Variants in CSMD1 observed in about 807,000 individuals in gnomAD.
CSMD1 encodes CUB and sushi domain-containing protein 1.
In CSMD1, 213 loss-of-function variants were observed where a neutral mutation model predicts 417.5. The ratio of observed to expected loss-of-function variants is 0.51; its 90% CI spans 0.46 to 0.57. CSMD1 has a LOEUF of 0.57. Among genes scored for constraint, CSMD1 ranks in the 20% least tolerant of loss-of-function variants. CSMD1 has a pLI of 0.00. For synonymous variants in CSMD1, 2,862 were observed against 1,736.8 expected, an observed-to-expected ratio of 1.65 and a Z score of -16.11; for missense variants, 6,923 against 4,529.7, an observed-to-expected ratio of 1.53 and a Z score of -15.17.
At chr8:4,155,624 C>A (rs965581212) in intron 3 of CSMD1, among the ~76,000 whole-genome samples, 1 of 152,124 alleles carries the variant, frequency 6.6e-6, no homozygotes, top group Admixed American at 6.5e-5. Flanking sequence ...GATTTTTTAT[C>A]ACTCTTGGTT....
Position 3,053,517 on chromosome 8 carries a change from G to C in CSMD1, c.7475-870C>G, listed in dbSNP as rs62488260. ...ACAAGAAAACACGACATAAGGAATT[G>C]ATAGAGGAGGCACTCGGGGAAGATT... On this transcript the variant is annotated intron_variant, in intron 49 of 69. Transcript: ENST00000635120. 8.5e-3 allele frequency among the ~76,000 whole-genome samples: 1,286 copies of C among 152,148 alleles called. 12 individuals carry two copies. The highest frequency in any genetic ancestry group is 0.03 in the African/African-American group (1,238 of 41,532).
intron 5 of CSMD1, among the ~76,000 whole-genome samples, chr8:3,765,726 G>T (rs1370841021): frequency 1.3e-5 from 2 of 152,188 alleles, no homozygotes; most frequent in African/African-American, 4.8e-5. Context: ...AGCCTTGCAG[G>T]TGGGGGCGCC....
chr8:3,564,860 G>C (rs762325682), intron 10 of CSMD1, among the ~76,000 whole-genome samples: 2 of 151,960 alleles, frequency 1.3e-5, no homozygotes, highest in African/African-American at 2.4e-5. Context: ...CTGTTAAGCA[G>C]CAGTAACGGG....
intron 2 of CSMD1, among the ~76,000 whole-genome samples, chr8:4,570,083 A>C (rs1488096740): frequency 6.6e-6 from 1 of 152,158 alleles, no homozygotes; most frequent in African/African-American, 2.4e-5. Context: ...GTCGTCTGCA[A>C]ACAGAGACAA....
At chr8:4,438,719 C>G (rs144167606) in intron 2 of CSMD1, among the ~76,000 whole-genome samples, 2 of 152,334 alleles carry the variant, frequency 1.3e-5, no homozygotes, top group African/African-American at 4.8e-5. Context: ...TTGAGATTAC[C>G]TGCAGTTACC....
At chr8:3,331,391 G>A (rs1806888242) in intron 23 of CSMD1, among the ~76,000 whole-genome samples, 1 of 152,218 alleles carries the variant, frequency 6.6e-6, no homozygotes, top group Non-Finnish European at 1.5e-5. Flanking sequence ...CAGTGGCCAT[G>A]AGTTGGTGGC....
intron 3 of CSMD1, among the ~76,000 whole-genome samples, chr8:4,323,921 C>T (rs969254510): frequency 2.6e-5 from 4 of 152,122 alleles, no homozygotes; most frequent in Non-Finnish European, 4.4e-5. Context: ...CTGGGGGTGG[C>T]AGGTGTCCCA....
intron 2 of CSMD1, among the ~76,000 whole-genome samples, chr8:4,438,214 C>T (rs1032690550): frequency 6.6e-6 from 1 of 152,126 alleles, no homozygotes; most frequent in Admixed American, 6.6e-5. Flanking sequence ...CAAGAAACTC[C>T]TGAAATAATC....
At chr8:3,075,300 G>A (rs565320255) in intron 49 of CSMD1, among the ~76,000 whole-genome samples, 82 of 142,526 alleles carry the variant, frequency 5.8e-4, no homozygotes, top group Non-Finnish European at 1.0e-3. Context: ...TTTTTTAGAT[G>A]GAGTTTCGCC....
chr8:3,511,763 ATAAC>A (rs753035513), intron 10 of CSMD1, among the ~76,000 whole-genome samples: 20,683 of 81,086 alleles, frequency 0.26, 1,691 homozygotes, highest in Middle Eastern at 0.36. Flanking sequence ...CTCTAAAAAA[ATAAC>A]ATAACATAAC....
chr8:4,809,837 T>A (rs1019837383), intron 1 of CSMD1, among the ~76,000 whole-genome samples: 2 of 152,222 alleles, frequency 1.3e-5, no homozygotes, highest in African/African-American at 4.8e-5. Flanking sequence ...ACCACCTGCA[T>A]GTCTACAACT....
intron 1 of CSMD1, among the ~76,000 whole-genome samples, chr8:4,991,878 G>C (rs950661856): frequency 1.3e-5 from 2 of 152,136 alleles, no homozygotes; most frequent in African/African-American, 2.4e-5. Flanking sequence ...GAGGAGACAC[G>C]GTCCCTGGTC....
chr8:3,685,529 T>A (rs1038483879), intron 7 of CSMD1, among the ~76,000 whole-genome samples: 1 of 152,104 alleles, frequency 6.6e-6, no homozygotes, highest in Non-Finnish European at 1.5e-5. Flanking sequence ...AATTAGGGGT[T>A]TATATAACAG....
intron 2 of CSMD1, among the ~76,000 whole-genome samples, chr8:4,426,555 T>C (rs1797568873): frequency 6.8e-6 from 1 of 147,472 alleles, no homozygotes; most frequent in African/African-American, 2.5e-5. Flanking sequence ...ATAGGATATT[T>C]ACTATAGTAT....
chr8:3,332,333 G>C (rs1340722495), intron 23 of CSMD1, among the ~76,000 whole-genome samples: 2 of 152,254 alleles, frequency 1.3e-5, no homozygotes. Context: ...GAGAAGGGAA[G>C]GTGGGGTTGC....
At chr8:3,882,694 T>A (rs1654325299) in intron 5 of CSMD1, among the ~76,000 whole-genome samples, 1 of 152,066 alleles carries the variant, frequency 6.6e-6, no homozygotes, top group Non-Finnish European at 1.5e-5. Context: ...TACACAGCAA[T>A]GAAAAGGAAC....
At chr8:4,609,839 G>C (rs1801071240) in intron 2 of CSMD1, among the ~76,000 whole-genome samples, 1 of 152,148 alleles carries the variant, frequency 6.6e-6, no homozygotes, top group Non-Finnish European at 1.5e-5. Context: ...AATGCCCTGA[G>C]CTTTCTGATA....
chr8:3,494,105 G>C (rs1175162035), intron 10 of CSMD1, among the ~76,000 whole-genome samples: 1 of 152,100 alleles, frequency 6.6e-6, no homozygotes, highest in Admixed American at 6.5e-5. Context: ...ACCATATCCA[G>C]AATGCTCTGC....
chr8:3,951,865 A>C (rs1811621816), intron 5 of CSMD1, among the ~76,000 whole-genome samples: 2 of 152,102 alleles, frequency 1.3e-5, no homozygotes, highest in African/African-American at 4.8e-5. Flanking sequence ...CATAACTTGC[A>C]CATTAAACTA....
Sources: gnomAD v4.1 joint callset for allele counts (sites outside exome capture counted in the v4.1 genomes callset) on GRCh38, gnomAD v4.1.1 for gene constraint, MANE v1.5 for transcripts, NCBI Gene and HGNC (gene_info 2026-07-23, HGNC 2026-07-21) for gene names.